IKZF2: variants seen among roughly 807,000 people sequenced by gnomAD.
IKZF2 encodes zinc finger protein Helios.
IKZF2 carries 15 observed loss-of-function variants against 49.2 expected under a neutral mutation model. The observed-to-expected ratio is 0.30, with a 90% CI of 0.20 to 0.47. The LOEUF is 0.47. IKZF2 is among the 20% of genes least tolerant of loss of function. The probability of loss-of-function intolerance (pLI) is 1.00; values close to 1 mark genes in which losing one functional copy is unlikely to be tolerated. For synonymous variants in IKZF2, 227 were observed against 221.4 expected (o/e 1.03, Z -0.23); for missense variants, 567 against 664.6 (o/e 0.85, Z 1.61).
At chr2:213,123,985 A>C (rs1300676903) in intron 4 of IKZF2, among the ~76,000 whole-genome samples, 2 of 151,818 alleles carry the variant, frequency 1.3e-5, no homozygotes, top group African/African-American at 4.8e-5. Flanking sequence ...ATGAGGGCTC[A>C]ATATAAGGAA....
chr2:213,147,669 C>G, intron 4 of IKZF2, 39 bp downstream of exon 4: 1 of 1,430,768 alleles, frequency 7.0e-7, no homozygotes, highest in Non-Finnish European at 9.9e-7. Flanking sequence ...GCTGGAGAGA[C>G]ACACACACAC....
At chr2:213,118,040 T>A (rs1422512728) in intron 4 of IKZF2, among the ~76,000 whole-genome samples, 1 of 152,174 alleles carries the variant, frequency 6.6e-6, no homozygotes, top group African/African-American at 2.4e-5. Context: ...AAAAAGGCAT[T>A]CTCATTAAAA....
chr2:213,067,411 G>A (rs946333473), intron 4 of IKZF2, among the ~76,000 whole-genome samples: 1 of 152,022 alleles, frequency 6.6e-6, no homozygotes, highest in Admixed American at 6.6e-5. Flanking sequence ...TCAAGATAGG[G>A]GCAAGCATGA....
intron 4 of IKZF2, among the ~76,000 whole-genome samples, chr2:213,124,152 G>C (rs1011388296): frequency 6.6e-6 from 1 of 151,828 alleles, no homozygotes. Context: ...ATGACCTTTG[G>C]GGTCACTTTT....
At chr2:213,106,481 T>C (rs759862009) in intron 4 of IKZF2, among the ~76,000 whole-genome samples, 1 of 151,646 alleles carries the variant, frequency 6.6e-6, no homozygotes, top group Non-Finnish European at 1.5e-5. Flanking sequence ...TCTAGAGAGA[T>C]ATTAGCCAGG....
chr2:213,004,666 A>T lies in IKZF2; in HGVS notation c.*2694T>A, dbSNP rs1367322102. The T allele has an allele frequency of 6.6e-6, 1 of 152,002 alleles. No homozygotes were observed. The highest frequency in any genetic ancestry group is 1.9e-4 in the East Asian group (1 of 5,180). The allele number at this position is 152,002 out of a possible 1,614,324, so 9.4% of individuals were successfully genotyped here. On this transcript the variant is annotated 3_prime_UTR_variant, in exon 9 of 9. Coordinates refer to ENST00000434687, the MANE Select transcript of IKZF2 (RefSeq NM_001387220.1). ...ATTTCCTTTTGAAGAAAAGGCATGC[A>T]CATATAACCATCCAGAGTTTCTCCA... is the stretch of plus-strand genomic sequence containing the variant.
chr2:213,037,109 T>C (rs1212446620), intron 6 of IKZF2, among the ~76,000 whole-genome samples: 1 of 152,200 alleles, frequency 6.6e-6, no homozygotes, highest in African/African-American at 2.4e-5. Context: ...AAGTTAAGAC[T>C]GTCCACACTA....
intron 4 of IKZF2, among the ~76,000 whole-genome samples, chr2:213,093,298 T>C (rs1440294005): frequency 2.6e-5 from 4 of 152,140 alleles, no homozygotes; most frequent in African/African-American, 4.8e-5. Flanking sequence ...AGATACATCA[T>C]GAGCCACTCC....
intron 4 of IKZF2, among the ~76,000 whole-genome samples, chr2:213,136,264 G>A (rs375608409): frequency 8.1e-4 from 116 of 143,286 alleles, no homozygotes; most frequent in African/African-American, 2.0e-3. Flanking sequence ...CCAGCTACTC[G>A]GGAGACTGAG....
chr2:213,083,300 G>A (rs1322025515), intron 4 of IKZF2, among the ~76,000 whole-genome samples: 1 of 151,078 alleles, frequency 6.6e-6, no homozygotes, highest in Non-Finnish European at 1.5e-5. Flanking sequence ...TGTATTTACA[G>A]CACTTCCCAT....
chr2:213,093,899 A>T (rs978457143), intron 4 of IKZF2, among the ~76,000 whole-genome samples: 2 of 152,182 alleles, frequency 1.3e-5, no homozygotes, highest in African/African-American at 4.8e-5. Context: ...ATAAGCTGCT[A>T]TGTGGATTCT....
At chr2:213,014,053 G>T in intron 7 of IKZF2, 119 bp from the exon 8 acceptor site, 1 of 843,814 alleles carries the variant, frequency 1.2e-6, no homozygotes, top group African/African-American at 1.7e-5. Flanking sequence ...GTAGAAGCAA[G>T]TAGAAAGAAT....
In IKZF2 at chr2:213,147,778, G is replaced by A. The variant is rs141005136; in HGVS notation, c.69C>T (p.Ser23=). ...TTGAGGTGAGGTCAATTGCCATATT[G>A]GAGTGCTCCCTTTCGGGTGAAAGCT... ...DNELSPEREH[S]NMAIDLTSST... The change falls in exon 4 of 9, where the codon TCC becomes TCT. Residue 23 remains serine, a synonymous_variant. Transcript: ENST00000434687. 1.7e-4 allele frequency: 270 copies of A among 1,613,810 alleles called. No individual in the cohort carries two copies. In the African/African-American group the frequency reaches 3.0e-3, roughly 18 times the overall value.
At chr2:213,111,665 G>A (rs1220327137) in intron 4 of IKZF2, among the ~76,000 whole-genome samples, 2 of 152,016 alleles carry the variant, frequency 1.3e-5, no homozygotes, top group African/African-American at 4.8e-5. Flanking sequence ...CTGAGCATGC[G>A]TATGTGTTTT....
intron 4 of IKZF2, among the ~76,000 whole-genome samples, chr2:213,142,181 A>G (rs73079223): frequency 0.013 from 1,908 of 152,074 alleles, 38 homozygotes; most frequent in African/African-American, 0.044. Context: ...TTTGCTTTAC[A>G]TATCATCAAA....
At chr2:213,120,872 C>G (rs560325949) in intron 4 of IKZF2, among the ~76,000 whole-genome samples, 42 of 152,278 alleles carry the variant, frequency 2.8e-4, no homozygotes, top group African/African-American at 9.1e-4. Context: ...CCTCAAGTAG[C>G]TGGGACTACG....
intron 4 of IKZF2, among the ~76,000 whole-genome samples, chr2:213,058,632 A>C (rs1385379878): frequency 6.6e-6 from 1 of 151,622 alleles, no homozygotes; most frequent in Non-Finnish European, 1.5e-5. Context: ...ACAAATTGTT[A>C]CTCCCTTACT....
At chr2:213,036,298 C>T (rs1333517433) in intron 6 of IKZF2, among the ~76,000 whole-genome samples, 3 of 152,058 alleles carry the variant, frequency 2.0e-5, no homozygotes, top group East Asian at 1.9e-4. Context: ...AAAATGACTG[C>T]GTGAGGACAT....
intron 5 of IKZF2, among the ~76,000 whole-genome samples, chr2:213,056,069 C>T (rs1701124677): frequency 6.6e-6 from 1 of 151,858 alleles, no homozygotes; most frequent in Admixed American, 6.6e-5. Context: ...ATTTCTGTTG[C>T]TTTTTAAGAA....
Sources: allele counts gnomAD v4.1 joint callset (sites outside exome capture counted in the v4.1 genomes callset), GRCh38; gene constraint gnomAD v4.1.1; transcripts MANE v1.5; gene names NCBI Gene and HGNC (gene_info 2026-07-23, HGNC 2026-07-21).